ZNF804B: variants seen among roughly 807,000 people sequenced by gnomAD.
ZNF804B encodes zinc finger protein 804B.
ZNF804B carries 80 observed loss-of-function variants against 101.4 expected under a neutral mutation model. The observed-to-expected ratio is 0.79, with a 90% CI of 0.66 to 0.95. The LOEUF (loss-of-function observed/expected upper bound fraction) is 0.95, where lower values mean the gene tolerates loss of function less well. ZNF804B is among the 40% of genes least tolerant of loss of function. ZNF804B has a pLI of 0.00. For synonymous variants in ZNF804B, 622 were observed against 558.8 expected (o/e 1.11, Z -1.59); for missense variants, 1,673 against 1,561.9 (o/e 1.07, Z -1.20).
At chr7:88,865,133 C>G (rs1791707035) in intron 1 of ZNF804B, among the ~76,000 whole-genome samples, 1 of 149,626 alleles carries the variant, frequency 6.7e-6, no homozygotes, top group South Asian at 2.1e-4. Context: ...GAGGCTGAGG[C>G]AGAAGAATCA....
At chr7:89,297,493 T>A (rs1049998850) in intron 2 of ZNF804B, among the ~76,000 whole-genome samples, 3 of 152,116 alleles carry the variant, frequency 2.0e-5, no homozygotes, top group African/African-American at 7.2e-5. Flanking sequence ...CAGAAGCCTA[T>A]GTTGCTATAT....
At chr7:88,785,989 T>C (rs544002243) in intron 1 of ZNF804B, among the ~76,000 whole-genome samples, 10 of 152,244 alleles carry the variant, frequency 6.6e-5, no homozygotes, top group Non-Finnish European at 1.0e-4. Flanking sequence ...TCCTTTTATA[T>C]GTCTGGGGTG....
In ZNF804B at chr7:89,293,641, C is replaced by G. The variant is rs548324403; in HGVS notation, c.250-33703C>G. Among the ~76,000 whole-genome samples, 3 of 151,958 alleles carry G rather than the reference C, an allele frequency of 2.0e-5. No homozygotes were observed. The East Asian group carries it at 5.9e-4, about 30-fold the overall frequency. ...CTACTAAAAATACAAAAAAATTAGC[C>G]AGGCCTGGTGGCAGGCACCTGTAGT... On this transcript the variant is annotated intron_variant, in intron 2 of 3. Transcript: ENST00000333190.
intron 1 of ZNF804B, among the ~76,000 whole-genome samples, chr7:88,824,003 G>A (rs941138907): frequency 1.3e-5 from 2 of 152,100 alleles, no homozygotes; most frequent in African/African-American, 2.4e-5. Flanking sequence ...CTAGATGCTC[G>A]CTGGCCTGCT....
chr7:89,281,446 A>C (rs1790092794), intron 2 of ZNF804B, among the ~76,000 whole-genome samples: 1 of 152,230 alleles, frequency 6.6e-6, no homozygotes, highest in African/African-American at 2.4e-5. Flanking sequence ...AATTTATTTC[A>C]ACCAGAATAA....
At chr7:88,970,591 G>A (rs1793520613) in intron 1 of ZNF804B, among the ~76,000 whole-genome samples, 1 of 151,258 alleles carries the variant, frequency 6.6e-6, no homozygotes, top group African/African-American at 2.4e-5. Context: ...TAAGAAAATT[G>A]TACAGAATAT....
At chr7:89,062,320 C>T (rs1335669080) in intron 1 of ZNF804B, among the ~76,000 whole-genome samples, 3 of 151,936 alleles carry the variant, frequency 2.0e-5, no homozygotes, top group African/African-American at 7.3e-5. Context: ...GCTTTTGCTC[C>T]CATCTCCAGC....
chr7:88,943,220 T>G (rs560773727), intron 1 of ZNF804B, among the ~76,000 whole-genome samples: 47 of 152,034 alleles, frequency 3.1e-4, no homozygotes, highest in East Asian at 3.9e-4. Flanking sequence ...CTCTATTTTA[T>G]GTATTAATAA....
At chr7:88,772,355 A>C (rs1388785625) in intron 1 of ZNF804B, among the ~76,000 whole-genome samples, 1 of 152,168 alleles carries the variant, frequency 6.6e-6, no homozygotes, top group East Asian at 1.9e-4. Flanking sequence ...TGTTGTTTTT[A>C]TATATCACAC....
At chr7:89,105,403 C>A (rs1790119322) in intron 1 of ZNF804B, among the ~76,000 whole-genome samples, 1 of 152,082 alleles carries the variant, frequency 6.6e-6, no homozygotes, top group Admixed American at 6.6e-5. Context: ...ACTTTAGTAA[C>A]TGAACTAAAG....
At chr7:89,130,643 C>A (rs190904844) in intron 1 of ZNF804B, among the ~76,000 whole-genome samples, 1 of 151,932 alleles carries the variant, frequency 6.6e-6, no homozygotes, top group Non-Finnish European at 1.5e-5. Context: ...TACAGCATTA[C>A]GAGACTGGGA....
At chr7:89,202,687 C>T (rs185483130) in intron 1 of ZNF804B, among the ~76,000 whole-genome samples, 1 of 152,086 alleles carries the variant, frequency 6.6e-6, no homozygotes, top group Non-Finnish European at 1.5e-5. Context: ...AGGAAATAGA[C>T]CCTCCTGAAT....
chr7:88,900,600 A>AG (rs1352361657), intron 1 of ZNF804B, among the ~76,000 whole-genome samples: 1 of 148,890 alleles, frequency 6.7e-6, no homozygotes, highest in Non-Finnish European at 1.5e-5. Context: ...TGGGGAAAAG[A>AG]GAAAAAAAAA....
At position 88,759,755 on chromosome 7, in the gene ZNF804B, G is replaced by A. The variant is rs896659289; in HGVS notation, c.-222G>A. The A allele has an allele frequency of 6.7e-4, 387 of 578,108 alleles. 1 individual carries two copies. Among genetic ancestry groups the A allele is most frequent in the Non-Finnish European group, 1.0e-3 (332 of 323,040 alleles). 35.8% of individuals were successfully genotyped at this position (578,108 alleles called of 1,614,324 possible). On this transcript the variant is annotated 5_prime_UTR_variant, in exon 1 of 4. The change creates a new upstream start codon in the 5' untranslated region. Coordinates refer to ENST00000333190, the MANE Select transcript of ZNF804B (RefSeq NM_181646.5). ...GCTCGCCGGGTCCCCTCCGTGCTCT[G>A]TGCTGTCGCCGCCGCCGCCTCTGTC...
chr7:89,083,412 C>T (rs1789726400), intron 1 of ZNF804B, among the ~76,000 whole-genome samples: 1 of 151,604 alleles, frequency 6.6e-6, no homozygotes, highest in Non-Finnish European at 1.5e-5. Context: ...TTCTGGGTTT[C>T]TGATCATTTG....
At position 89,333,960 on chromosome 7, in the gene ZNF804B, A is replaced by G. The variant is rs1305354560; in HGVS notation, c.978A>G (p.Lys326=). The change falls in exon 4 of 4, where the codon AAA becomes AAG. Residue 326 remains lysine (K), a synonymous_variant. Transcript: ENST00000333190. Reference sequence around the variant, plus strand: ...TTGGCATTCATGCTTCATTCTCTAAATCTAACATTCATCTTTCAGATGTAG... The same window carrying G: ...TTGGCATTCATGCTTCATTCTCTAAGTCTAACATTCATCTTTCAGATGTAG... ...DSIGIHASFS[K]SNIHLSDVDF... 5 of 1,613,444 alleles carry G rather than the reference A, an allele frequency of 3.1e-6. No individual in the cohort carries two copies. Among genetic ancestry groups the G allele is most frequent in the Admixed American group, 3.3e-5 (2 of 59,818 alleles).
intron 2 of ZNF804B, among the ~76,000 whole-genome samples, chr7:89,226,481 A>G (rs776829695): frequency 5.7e-4 from 87 of 151,988 alleles, no homozygotes; most frequent in Non-Finnish European, 6.6e-4. Context: ...TTATTAGATA[A>G]TTTATGTTAA....
intron 1 of ZNF804B, among the ~76,000 whole-genome samples, chr7:88,762,923 A>G (rs1165494170): frequency 1.3e-5 from 2 of 152,036 alleles, no homozygotes; most frequent in Non-Finnish European, 2.9e-5. Flanking sequence ...TTTCTGTTTT[A>G]TTAGAACTGT....
intron 1 of ZNF804B, among the ~76,000 whole-genome samples, chr7:88,975,592 C>G (rs541929629): frequency 6.6e-6 from 1 of 151,602 alleles, no homozygotes; most frequent in East Asian, 2.0e-4. Flanking sequence ...AATCTATATT[C>G]AGATCATTGC....
Sources: gnomAD v4.1 joint callset for allele counts (sites outside exome capture counted in the v4.1 genomes callset) on GRCh38, gnomAD v4.1.1 for gene constraint, MANE v1.5 for transcripts, NCBI Gene and HGNC (gene_info 2026-07-23, HGNC 2026-07-21) for gene names.